Variants in PCDHGB6 observed in about 807,000 individuals in gnomAD.
PCDHGB6 encodes protocadherin gamma-B6.
PCDHGB6 carries 51 observed loss-of-function variants against 59.1 expected under a neutral mutation model. The observed-to-expected ratio is 0.86, with a 90% CI of 0.69 to 1.09. PCDHGB6 has a LOEUF of 1.09. Among genes scored for constraint, PCDHGB6 ranks in the 50% least tolerant of loss-of-function variants. The probability of loss-of-function intolerance (pLI) is 0.00; values close to 1 mark genes in which losing one functional copy is unlikely to be tolerated. For missense variants in PCDHGB6, 1,148 were observed against 1,205.1 expected (o/e 0.95, Z 0.70); for synonymous variants, 466 against 495.1 (o/e 0.94, Z 0.78).
At chr5:141,465,241 G>C (rs2099099198) in intron 1 of PCDHGB6, among the ~76,000 whole-genome samples, 1 of 151,964 alleles carries the variant, frequency 6.6e-6, no homozygotes, top group South Asian at 2.1e-4. Flanking sequence ...CAAGTTCAAG[G>C]CACTTTTGTA....
At chr5:141,419,086 C>G (rs2096324558) in intron 1 of PCDHGB6, 1 of 1,613,808 alleles carries the variant, frequency 6.2e-7, no homozygotes, top group African/African-American at 1.3e-5. Context: ...CAGATGAGGC[C>G]CTGGATCGGG....
chr5:141,469,511 G>A (rs2099203340), intron 1 of PCDHGB6, among the ~76,000 whole-genome samples: 1 of 152,038 alleles, frequency 6.6e-6, no homozygotes, highest in African/African-American at 2.4e-5. Flanking sequence ...GGAGGTGGAG[G>A]TTGCAGTGAG....
chr5:141,480,241 A>C (rs895691864), intron 1 of PCDHGB6, among the ~76,000 whole-genome samples: 58 of 97,306 alleles, frequency 6.0e-4, no homozygotes, highest in African/African-American at 2.2e-3. Context: ...CTGTCTCTAC[A>C]AAAAAAAAAA....
At chr5:141,483,648 T>TTGTGTGTGTG (rs111458813) in intron 1 of PCDHGB6, among the ~76,000 whole-genome samples, 23 of 149,708 alleles carry the variant, frequency 1.5e-4, no homozygotes, top group African/African-American at 3.9e-4. Context: ...GGGTGTGTGT[T>TTGTGTGTGTG]TGTGTGTGTG....
At chr5:141,438,232 GT>G (rs531572606) in intron 1 of PCDHGB6, among the ~76,000 whole-genome samples, 207 of 152,154 alleles carry the variant, frequency 1.4e-3, no homozygotes, top group Middle Eastern at 0.01. Flanking sequence ...TCAGGAAAAT[GT>G]TTTTAAAAAA....
In PCDHGB6 at chr5:141,510,915, A is replaced by G; in HGVS notation, c.2567-32A>G. 8 of 1,613,786 alleles carry G rather than the reference A, an allele frequency of 5.0e-6. No individual in the cohort carries two copies. The South Asian group carries it at 8.8e-5, about 18-fold the overall frequency. ...AGTGACTGTTGAGGACCCTAAGTTT[A>G]GCTCCCACCTGATCTTCCTCTGTCT... On this transcript the variant is annotated intron_variant, in intron 3 of 3. Coordinates refer to ENST00000520790, the MANE Select transcript of PCDHGB6 (RefSeq NM_018926.3).
chr5:141,417,875 G>A, intron 1 of PCDHGB6: 1 of 1,556,360 alleles, frequency 6.4e-7, no homozygotes, highest in South Asian at 1.2e-5. Flanking sequence ...AGGGAGCTGC[G>A]CGCAGAGGCG....
At chr5:141,452,460 G>A (rs750887712) in intron 1 of PCDHGB6, among the ~76,000 whole-genome samples, 1 of 152,140 alleles carries the variant, frequency 6.6e-6, no homozygotes, top group Non-Finnish European at 1.5e-5. Flanking sequence ...GTCAGCAGAC[G>A]GAGCTAGGAA....
At chr5:141,479,048 C>A (rs1253895615) in intron 1 of PCDHGB6, among the ~76,000 whole-genome samples, 1 of 152,150 alleles carries the variant, frequency 6.6e-6, no homozygotes, top group Admixed American at 6.5e-5. Flanking sequence ...GTACCTCATT[C>A]TCAGATAATT....
At chr5:141,414,670 A>G in intron 1 of PCDHGB6, 1 of 1,613,894 alleles carries the variant, frequency 6.2e-7, no homozygotes. Context: ...GGCTGAAGAC[A>G]CCATCCAGGG....
chr5:141,452,830 T>A (rs2098749929), intron 1 of PCDHGB6, among the ~76,000 whole-genome samples: 1 of 152,166 alleles, frequency 6.6e-6, no homozygotes, highest in South Asian at 2.1e-4. Context: ...CAAAATCACT[T>A]GGTCCAGCCC....
intron 1 of PCDHGB6, chr5:141,442,166 A>G (rs2098306007): frequency 6.4e-6 from 1 of 156,354 alleles, no homozygotes; most frequent in Non-Finnish European, 1.4e-5. Flanking sequence ...TCACTCTGCA[A>G]AGCTACAGCC....
chr5:141,423,497 AG>A (rs1269176785), intron 1 of PCDHGB6: 1 of 1,613,940 alleles, frequency 6.2e-7, no homozygotes, highest in Non-Finnish European at 8.5e-7. Flanking sequence ...TATTCCCACG[AG>A]GTCTCTCTCA....
Position 141,486,740 on chromosome 5 carries a change from T to G in PCDHGB6, c.2419-8067T>G. Reference sequence around the variant, plus strand: ...AGGAGCTGTTCATGCTACTCGATCCTTTGACTATGAGCAAACCCAGACACT... The same window carrying G: ...AGGAGCTGTTCATGCTACTCGATCCGTTGACTATGAGCAAACCCAGACACT... On this transcript the variant is annotated intron_variant, in intron 1 of 3. Transcript: ENST00000520790. This position sits in a 1 kb window ranked among gnomAD's most constrained non-coding sequence, Gnocchi z 5.0. 6.2e-7 allele frequency: 1 copy of G among 1,614,234 alleles called. No individual in the cohort carries two copies. The highest frequency in any genetic ancestry group is 8.5e-7 in the Non-Finnish European group (1 of 1,180,046).
chr5:141,487,848 G>C lies in PCDHGB6; in HGVS notation c.2419-6959G>C. ...TCATGCCTATATCTGAGTAAGAAAT[G>C]AAAGTAATTGGTGATCAAGAGCCAG... is the stretch of plus-strand genomic sequence containing the variant. On this transcript the variant is annotated intron_variant, in intron 1 of 3. Coordinates refer to ENST00000520790, the MANE Select transcript of PCDHGB6 (RefSeq NM_018926.3). The surrounding 1 kb of genome is among the most constrained non-coding windows in gnomAD (Gnocchi z 5.0). 1 of 1,022,244 alleles carries C rather than the reference G, an allele frequency of 9.8e-7. No homozygotes were observed. The highest frequency in any genetic ancestry group is 1.4e-6 in the Non-Finnish European group (1 of 711,992). The allele number at this position is 1,022,244 out of a possible 1,614,324, so 63.3% of individuals were successfully genotyped here. A position where few individuals can be genotyped will look rare whatever the true frequency, so the allele number is the denominator to read the frequency against.
At chr5:141,435,644 T>A (rs913195454) in intron 1 of PCDHGB6, among the ~76,000 whole-genome samples, 1 of 152,170 alleles carries the variant, frequency 6.6e-6, no homozygotes, top group Non-Finnish European at 1.5e-5. Flanking sequence ...TGGGAAAATT[T>A]CTGAAACGTG....
At chr5:141,448,316 T>G (rs1042171540) in intron 1 of PCDHGB6, among the ~76,000 whole-genome samples, 2 of 152,174 alleles carry the variant, frequency 1.3e-5, no homozygotes, top group Admixed American at 1.3e-4. Context: ...AGGAATCTTT[T>G]CTTTGAATCT....
chr5:141,465,782 T>G (rs2099109563), intron 1 of PCDHGB6, among the ~76,000 whole-genome samples: 1 of 152,076 alleles, frequency 6.6e-6, no homozygotes, highest in African/African-American at 2.4e-5. Flanking sequence ...TGTTACAGTT[T>G]TTTTTTTTTT....
intron 1 of PCDHGB6, chr5:141,417,858 C>A (rs561149517): frequency 1.3e-6 from 2 of 1,547,240 alleles, no homozygotes; most frequent in African/African-American, 1.4e-5. Context: ...CCCGAGCGAA[C>A]GATGGGAGGG....
Sources: allele counts gnomAD v4.1 joint callset (sites outside exome capture counted in the v4.1 genomes callset), GRCh38; gene constraint gnomAD v4.1.1; non-coding constraint Gnocchi (gnomAD v3.1); transcripts MANE v1.5; gene names NCBI Gene and HGNC (gene_info 2026-07-23, HGNC 2026-07-21).